The following SH3BP5 variants were observed in gnomAD, a reference collection of about 807,000 sequenced individuals.
The protein encoded by SH3BP5 is SH3 domain binding protein 5, also known as SH3 domain-binding protein 5.
A neutral mutation model predicts 43.3 loss-of-function variants in SH3BP5; 22 were observed. The ratio of observed to expected loss-of-function variants is 0.51; its 90% CI spans 0.36 to 0.73. The LOEUF (loss-of-function observed/expected upper bound fraction) is 0.73. Among genes scored for constraint, SH3BP5 ranks in the 30% least tolerant of loss-of-function variants. The pLI is 0.00. For missense variants in SH3BP5, 529 were observed against 586.9 expected, an observed-to-expected ratio of 0.90 and a Z score of 1.02; for synonymous variants, 255 against 225.8, an observed-to-expected ratio of 1.13 and a Z score of -1.16.
At chr3:15,276,704 C>T (rs1696980669) in intron 3 of SH3BP5, among the ~76,000 whole-genome samples, 1 of 152,186 alleles carries the variant, frequency 6.6e-6, no homozygotes. Flanking sequence ...AGCTCCAAGT[C>T]AGGAAGAGAG....
At chr3:15,309,523 T>G (rs1697996177) in intron 2 of SH3BP5, among the ~76,000 whole-genome samples, 1 of 152,096 alleles carries the variant, frequency 6.6e-6, no homozygotes, top group Non-Finnish European at 1.5e-5. Flanking sequence ...GGACTACAGG[T>G]GTACAACACC....
chr3:15,274,052 T>C (rs944436565), intron 3 of SH3BP5, among the ~76,000 whole-genome samples: 1 of 152,130 alleles, frequency 6.6e-6, no homozygotes, highest in African/African-American at 2.4e-5. Context: ...AAGACTAGCC[T>C]GCCCAACATG....
At chr3:15,278,961 G>A (rs936839995) in intron 3 of SH3BP5, among the ~76,000 whole-genome samples, 2 of 152,150 alleles carry the variant, frequency 1.3e-5, no homozygotes, top group African/African-American at 4.8e-5. Flanking sequence ...CCTGAGGTCA[G>A]GAGTTCAAGA....
At chr3:15,261,029 C>T (rs1373338010) in intron 5 of SH3BP5, among the ~76,000 whole-genome samples, 1 of 152,230 alleles carries the variant, frequency 6.6e-6, no homozygotes, top group African/African-American at 2.4e-5. Context: ...GGCTGCTCCT[C>T]GGCCTCCTTG....
chr3:15,287,899 A>C (rs1268237346), intron 3 of SH3BP5, among the ~76,000 whole-genome samples: 1 of 152,186 alleles, frequency 6.6e-6, no homozygotes, highest in Non-Finnish European at 1.5e-5. Flanking sequence ...CTGTGGTCAG[A>C]TTTGGGCTTG....
At chr3:15,325,793 G>A (rs1413238658) in intron 2 of SH3BP5, among the ~76,000 whole-genome samples, 5 of 152,188 alleles carry the variant, frequency 3.3e-5, no homozygotes, top group Non-Finnish European at 5.9e-5. Context: ...GCCAAGGGAG[G>A]CAGATCGCTC....
At position 15,258,863 on chromosome 3, in the gene SH3BP5, G is replaced by C. The variant is rs1460185756; in HGVS notation, c.857C>G (p.Pro286Arg). 2.5e-6 allele frequency: 4 copies of C among 1,614,148 alleles called. No homozygotes were observed. The highest frequency in any genetic ancestry group is 3.4e-6 in the Non-Finnish European group (4 of 1,180,038). ...EGSSTSVEDLPGSKPEPDAIS... is the reference protein window; with the variant it reads ...EGSSTSVEDLRGSKPEPDAIS... ...GGCATCAGGCTCAGGTTTGCTCCCT[G>C]GCAGATCCTCCACAGATGTGCTGCT... The change falls in exon 7 of 9, where the codon CCA becomes CGA. Residue 286 changes from proline (P) to arginine (R), a missense_variant. Coordinates refer to ENST00000383791, the MANE Select transcript of SH3BP5 (RefSeq NM_004844.5).
chr3:15,314,428 C>A (rs1420425286), intron 2 of SH3BP5, among the ~76,000 whole-genome samples: 1 of 151,998 alleles, frequency 6.6e-6, no homozygotes, highest in Non-Finnish European at 1.5e-5. Flanking sequence ...CTTTCATAGC[C>A]CTGAGGGCCA....
At chr3:15,296,068 T>G (rs1697560630) in intron 3 of SH3BP5, among the ~76,000 whole-genome samples, 1 of 152,188 alleles carries the variant, frequency 6.6e-6, no homozygotes. Flanking sequence ...GAACCTAACC[T>G]CTATTTCCCC....
At chr3:15,303,078 T>C (rs537026783) in intron 3 of SH3BP5, among the ~76,000 whole-genome samples, 1 of 152,258 alleles carries the variant, frequency 6.6e-6, no homozygotes, top group East Asian at 1.9e-4. Context: ...CCTCCCAGAG[T>C]GCTGGGATTA....
At chr3:15,299,056 T>G (rs1023775443) in intron 3 of SH3BP5, among the ~76,000 whole-genome samples, 11 of 152,168 alleles carry the variant, frequency 7.2e-5, no homozygotes, top group Non-Finnish European at 1.2e-4. Flanking sequence ...AAAGAAGGGT[T>G]GGGACTGATA....
Position 15,300,282 on chromosome 3 carries a change from T to C in SH3BP5, c.330+3821A>G, listed in dbSNP as rs764406514. 2.0e-4 allele frequency among the ~76,000 whole-genome samples: 31 copies of C among 152,196 alleles called. 1 individual carries two copies. The highest frequency in any genetic ancestry group is 1.7e-3 in the Admixed American group (26 of 15,282). ...AACCCAAGCTCATGCTGGGATTCCATTGTCAAACACATTATCTCACTTAAA... is the reference window on the plus strand; with the variant it reads ...AACCCAAGCTCATGCTGGGATTCCACTGTCAAACACATTATCTCACTTAAA... On this transcript the variant is annotated intron_variant, in intron 3 of 8. Coordinates refer to ENST00000383791, the MANE Select transcript of SH3BP5 (RefSeq NM_004844.5).
intron 2 of SH3BP5, among the ~76,000 whole-genome samples, chr3:15,326,128 T>C (rs1698457412): frequency 6.6e-6 from 1 of 152,202 alleles, no homozygotes; most frequent in African/African-American, 2.4e-5. Context: ...AGGTTCCTCC[T>C]TTTACAGCTT....
At chr3:15,326,698 T>C (rs1442502433) in intron 2 of SH3BP5, among the ~76,000 whole-genome samples, 1 of 152,236 alleles carries the variant, frequency 6.6e-6, no homozygotes, top group Non-Finnish European at 1.5e-5. Context: ...GCCCATCCTG[T>C]AAACAAGTGT....
chr3:15,332,175 A>C, intron 1 of SH3BP5, 96 bp downstream of exon 1: 1 of 1,524,058 alleles, frequency 6.6e-7, no homozygotes, highest in Non-Finnish European at 8.8e-7. Flanking sequence ...CCCGGACCAC[A>C]GTTACTGGGG....
chr3:15,305,732 C>T (rs1259174704), intron 2 of SH3BP5, among the ~76,000 whole-genome samples: 3 of 152,006 alleles, frequency 2.0e-5, no homozygotes, highest in Non-Finnish European at 4.4e-5. Flanking sequence ...TGAAGGAGGC[C>T]GGAGGTCTGG....
chr3:15,257,182 T>A, intron 7 of SH3BP5, 69 bp from the exon 8 acceptor site: 1 of 1,497,282 alleles, frequency 6.7e-7, no homozygotes. Flanking sequence ...TGCTTGCTGC[T>A]GGCAGGCAGC....
At chr3:15,291,179 G>A (rs1168216556) in intron 3 of SH3BP5, among the ~76,000 whole-genome samples, 1 of 152,202 alleles carries the variant, frequency 6.6e-6, no homozygotes, top group African/African-American at 2.4e-5. Context: ...ACAGCAGCAT[G>A]AGCATTCGCA....
rs1237111520 is a variant in SH3BP5, at chr3:15,330,582, G to A, written c.139-16C>T. ...CCAGTTCTCCCTGGTGAAGAAAAGAGGGAGAAAAAAAGACTTAAGGGATCC... is the reference window on the plus strand; with the variant it reads ...CCAGTTCTCCCTGGTGAAGAAAAGAAGGAGAAAAAAAGACTTAAGGGATCC... On this transcript the variant is annotated splice_polypyrimidine_tract_variant and intron_variant, in intron 1 of 8. Coordinates refer to ENST00000383791, the MANE Select transcript of SH3BP5 (RefSeq NM_004844.5). The A allele has an allele frequency of 1.1e-5, 18 of 1,577,086 alleles. No homozygotes were observed. The Admixed American group carries it at 1.9e-4, about 16-fold the overall frequency.
Sources: gnomAD v4.1 joint callset for allele counts (sites outside exome capture counted in the v4.1 genomes callset) on GRCh38, gnomAD v4.1.1 for gene constraint, MANE v1.5 for transcripts, NCBI Gene and HGNC (gene_info 2026-07-23, HGNC 2026-07-21) for gene names.